The following NCOA2 variants were observed in gnomAD, a reference collection of about 807,000 sequenced individuals.
The protein encoded by NCOA2 is class E basic helix-loop-helix protein 75.
Under a neutral mutation model 145.1 loss-of-function variants are expected in NCOA2, and 21 were observed. The observed-to-expected ratio is 0.14, with a 90% confidence interval of 0.10 to 0.21. NCOA2 has a LOEUF of 0.21. Ranked by LOEUF, NCOA2 falls within the 10% of genes least tolerant of loss-of-function variation. The probability of loss-of-function intolerance (pLI) is 1.00; values close to 1 mark genes in which losing one functional copy is unlikely to be tolerated. For missense variants in NCOA2, 1,472 were observed against 1,837.6 expected (o/e 0.80, Z 3.64); for synonymous variants, 619 against 637.5 (o/e 0.97, Z 0.44).
intron 10 of NCOA2, among the ~76,000 whole-genome samples, chr8:70,157,581 C>G (rs910862484): frequency 1.6e-4 from 25 of 152,148 alleles, no homozygotes; most frequent in Non-Finnish European, 2.6e-4. Flanking sequence ...TAGTTGAGAG[C>G]TTGTACTGTC....
intron 14 of NCOA2, among the ~76,000 whole-genome samples, chr8:70,139,808 A>AC (rs1034248175): frequency 1.3e-4 from 20 of 151,100 alleles, no homozygotes; most frequent in African/African-American, 4.6e-4. Flanking sequence ...ATGCGCCACC[A>AC]CCCCCGGCTA....
intron 4 of NCOA2, among the ~76,000 whole-genome samples, chr8:70,213,064 G>A (rs1317244184): frequency 4.5e-5 from 6 of 132,608 alleles, no homozygotes; most frequent in South Asian, 5.5e-4. Flanking sequence ...CAGCCTGGGC[G>A]ATAGAGTGAG....
At chr8:70,337,404 A>G (rs1182309126) in intron 1 of NCOA2, among the ~76,000 whole-genome samples, 2 of 152,216 alleles carry the variant, frequency 1.3e-5, no homozygotes, top group African/African-American at 4.8e-5. Flanking sequence ...ACCTTTCTGA[A>G]TAGGCAACAG....
At chr8:70,269,338 G>A (rs1275565030) in intron 2 of NCOA2, among the ~76,000 whole-genome samples, 2 of 152,124 alleles carry the variant, frequency 1.3e-5, no homozygotes, top group African/African-American at 2.4e-5. Flanking sequence ...GGGCCTAGGT[G>A]CAGTGGCTCA....
chr8:70,373,924 G>T (rs1811439460), intron 1 of NCOA2, among the ~76,000 whole-genome samples: 1 of 152,070 alleles, frequency 6.6e-6, no homozygotes, highest in Non-Finnish European at 1.5e-5. Flanking sequence ...AATAAATCTT[G>T]AAATTAGAGA....
At chr8:70,240,053 T>TG (rs34283795) in intron 2 of NCOA2, among the ~76,000 whole-genome samples, 1 of 152,108 alleles carries the variant, frequency 6.6e-6, no homozygotes, top group African/African-American at 2.4e-5. Flanking sequence ...ACAAAGGCTT[T>TG]GGGGAAATGT....
chr8:70,238,752 T>C (rs1271259003), intron 2 of NCOA2, among the ~76,000 whole-genome samples: 1 of 152,212 alleles, frequency 6.6e-6, no homozygotes, highest in Non-Finnish European at 1.5e-5. Flanking sequence ...CTTGTGCTTC[T>C]GTTCATTTCT....
chr8:70,414,074 T>C, the NCOA2 span, among the ~76,000 whole-genome samples: 8 of 152,252 alleles, frequency 5.3e-5, no homozygotes, highest in Admixed American at 5.2e-4. Context: ...CCTTCTATAA[T>C]AACTGTTTTA....
chr8:70,217,768 T>C (rs775228333), intron 2 of NCOA2, among the ~76,000 whole-genome samples: 107 of 152,060 alleles, frequency 7.0e-4, no homozygotes, highest in Non-Finnish European at 8.7e-4. Context: ...GAGGAAACCA[T>C]AAAAGACTGC....
Position 70,132,135 on chromosome 8 carries a change from C to A in NCOA2, c.3159-133G>T, listed in dbSNP as rs1563497399. 3.5e-6 allele frequency: 3 copies of A among 868,074 alleles called. No homozygotes were observed. The East Asian group carries it at 8.0e-5, about 23-fold the overall frequency. 53.8% of individuals were successfully genotyped at this position (868,074 alleles called of 1,614,324 possible). A position where few individuals can be genotyped will look rare whatever the true frequency, so the allele number is the denominator to read the frequency against. On this transcript the variant is annotated intron_variant, in intron 15 of 22. Coordinates refer to ENST00000452400, the MANE Select transcript of NCOA2 (RefSeq NM_006540.4). ...AACAAACTACTGTACCAACTCAACA[C>A]AGAACAAAAGGACAGTCTGAAATAT... is the stretch of plus-strand genomic sequence containing the variant.
rs1380067177 is a variant in NCOA2, at chr8:70,320,537, G to A, written c.-76-23737C>T. 3.9e-5 allele frequency among the ~76,000 whole-genome samples: 6 copies of A among 152,146 alleles called. No individual in the cohort carries two copies. In the East Asian group the frequency reaches 1.2e-3, roughly 29 times the overall value. On this transcript the variant is annotated intron_variant, in intron 1 of 22. Transcript: ENST00000452400. ...AAGATAGTAATTTTTGTCCTAGAGT[G>A]ACTGGTTGTTCCAATATGAATAAAA...
At chr8:70,167,040 C>T (rs1211494962) in intron 6 of NCOA2, among the ~76,000 whole-genome samples, 1 of 152,106 alleles carries the variant, frequency 6.6e-6, no homozygotes, top group East Asian at 1.9e-4. Flanking sequence ...TTCTACACTA[C>T]TTCTTTACCC....
At chr8:70,404,281 A>G (rs1306725714), upstream of NCOA2, among the ~76,000 whole-genome samples, 2 of 152,146 alleles carry the variant, frequency 1.3e-5, no homozygotes, top group Admixed American at 6.5e-5. Flanking sequence ...CAAAAAGAAA[A>G]CTAGCGACTG....
chr8:70,404,290 T>C (rs1475366975), upstream of NCOA2, among the ~76,000 whole-genome samples: 2 of 152,120 alleles, frequency 1.3e-5, no homozygotes, highest in Non-Finnish European at 1.5e-5. Flanking sequence ...AACTAGCGAC[T>C]GGGACGGGCC....
intron 1 of NCOA2, among the ~76,000 whole-genome samples, chr8:70,352,089 C>T (rs1471621950): frequency 6.6e-6 from 1 of 151,978 alleles, no homozygotes; most frequent in Non-Finnish European, 1.5e-5. Context: ...ACACTTCATA[C>T]TTTTTCCTGG....
chr8:70,152,119 A>C (rs2132112732), intron 11 of NCOA2, among the ~76,000 whole-genome samples: 1 of 152,358 alleles, frequency 6.6e-6, no homozygotes, highest in South Asian at 2.1e-4. Context: ...TTAGGCATCT[A>C]TTTGAATGCT....
intron 2 of NCOA2, among the ~76,000 whole-genome samples, chr8:70,231,578 C>T (rs572756440): frequency 1.3e-5 from 2 of 152,320 alleles, no homozygotes; most frequent in African/African-American, 2.4e-5. Context: ...CTGAAACCTA[C>T]TGGGCTAGAT....
intron 1 of NCOA2, among the ~76,000 whole-genome samples, chr8:70,331,411 C>A (rs1253491525): frequency 2.0e-5 from 3 of 152,086 alleles, no homozygotes; most frequent in Non-Finnish European, 4.4e-5. Flanking sequence ...AATGGTACTA[C>A]AAATTTTAAG....
At chr8:70,416,450 C>G in the NCOA2 span, among the ~76,000 whole-genome samples, 1 of 152,160 alleles carries the variant, frequency 6.6e-6, no homozygotes, top group Non-Finnish European at 1.5e-5. Flanking sequence ...AAAATTCATA[C>G]TTCTGCCTAA....
Sources: allele counts gnomAD v4.1 joint callset (sites outside exome capture counted in the v4.1 genomes callset), GRCh38; gene constraint gnomAD v4.1.1; transcripts MANE v1.5; gene names NCBI Gene and HGNC (gene_info 2026-07-23, HGNC 2026-07-21).